Variants in IGSF21 observed in about 807,000 individuals in gnomAD.
IGSF21 encodes immunoglobin superfamily member 21, also known as immunoglobulin superfamily member 21.
A neutral mutation model predicts 46.8 loss-of-function variants in IGSF21; 28 were observed. That is an observed-to-expected ratio of 0.60 (90% CI 0.44 to 0.82). The LOEUF (loss-of-function observed/expected upper bound fraction) is 0.82. Ranked by LOEUF, IGSF21 falls within the 40% of genes least tolerant of loss-of-function variation. The pLI, the probability that IGSF21 is intolerant of heterozygous loss-of-function variation, is 0.00. For synonymous variants in IGSF21, 284 were observed against 273.6 expected (o/e 1.04, Z -0.38); for missense variants, 624 against 665.5 (o/e 0.94, Z 0.69).
At chr1:18,293,162 G>T (rs971268568) in intron 3 of IGSF21, among the ~76,000 whole-genome samples, 4 of 152,198 alleles carry the variant, frequency 2.6e-5, no homozygotes, top group Non-Finnish European at 5.9e-5. Context: ...GTGAGCTCCA[G>T]GAGGACAAGG....
chr1:18,270,385 TG>T (rs2085031017), intron 2 of IGSF21, among the ~76,000 whole-genome samples: 1 of 152,104 alleles, frequency 6.6e-6, no homozygotes, highest in Non-Finnish European at 1.5e-5. Context: ...AGGATGGGGG[TG>T]GGCCTGGATG....
chr1:18,285,311 T>C (rs148401711), intron 2 of IGSF21, among the ~76,000 whole-genome samples: 3,800 of 152,200 alleles, frequency 0.025, 62 homozygotes, highest in African/African-American at 0.049. Flanking sequence ...CTCACACTGC[T>C]GGCTGGACTA....
chr1:18,205,424 T>A (rs1375086838), intron 1 of IGSF21, among the ~76,000 whole-genome samples: 3 of 151,992 alleles, frequency 2.0e-5, no homozygotes, highest in African/African-American at 7.3e-5. Flanking sequence ...GCGAGAAAAA[T>A]CATCCTGTTT....
chr1:18,282,484 G>T (rs1026468973), intron 2 of IGSF21, among the ~76,000 whole-genome samples: 1 of 152,078 alleles, frequency 6.6e-6, no homozygotes, highest in Non-Finnish European at 1.5e-5. Flanking sequence ...AGGTCTCAGA[G>T]CTCCCATGCA....
At chr1:18,326,634 G>A (rs984525801) in intron 3 of IGSF21, among the ~76,000 whole-genome samples, 2 of 152,140 alleles carry the variant, frequency 1.3e-5, no homozygotes, top group Non-Finnish European at 2.9e-5. Context: ...TTTTAAATCG[G>A]GTAGATTATG....
At chr1:18,179,618 T>C (rs2086837189) in intron 1 of IGSF21, among the ~76,000 whole-genome samples, 1 of 152,078 alleles carries the variant, frequency 6.6e-6, no homozygotes, top group South Asian at 2.1e-4. Context: ...CTACTGGGCC[T>C]GATGGAGGCG....
intron 2 of IGSF21, among the ~76,000 whole-genome samples, chr1:18,249,080 G>C (rs568594162): frequency 6.6e-6 from 1 of 152,322 alleles, no homozygotes; most frequent in East Asian, 1.9e-4. Flanking sequence ...GCCAGACAGG[G>C]AGGAGGAAAG....
intron 2 of IGSF21, among the ~76,000 whole-genome samples, chr1:18,264,541 G>A (rs1184747467): frequency 6.6e-6 from 1 of 152,108 alleles, no homozygotes; most frequent in Non-Finnish European, 1.5e-5. Flanking sequence ...CCAGAGCAGG[G>A]ATTATTATGC....
intron 1 of IGSF21, among the ~76,000 whole-genome samples, chr1:18,182,937 G>A (rs1037826199): frequency 1.3e-5 from 2 of 152,138 alleles, no homozygotes; most frequent in African/African-American, 4.8e-5. Context: ...ACGAGGCCTG[G>A]TGACACAGCA....
At chr1:18,139,066 T>A (rs1570259333) in intron 1 of IGSF21, among the ~76,000 whole-genome samples, 1 of 152,232 alleles carries the variant, frequency 6.6e-6, no homozygotes. Context: ...GCAGGAGCGC[T>A]CTTCCCTCTT....
chr1:18,260,464 G>A (rs75916138), intron 2 of IGSF21, among the ~76,000 whole-genome samples: 22,804 of 152,230 alleles, frequency 0.15, 1,851 homozygotes, highest in Non-Finnish European at 0.18. Context: ...CGCAGCAGCC[G>A]CTGAGGGAAT....
At chr1:18,202,366 A>T (rs757017784) in intron 1 of IGSF21, among the ~76,000 whole-genome samples, 15 of 152,056 alleles carry the variant, frequency 9.9e-5, no homozygotes, top group Non-Finnish European at 2.1e-4. Context: ...TACCACCTTC[A>T]TTACTTTTGG....
At chr1:18,180,803 T>C (rs2086850125) in intron 1 of IGSF21, among the ~76,000 whole-genome samples, 1 of 152,234 alleles carries the variant, frequency 6.6e-6, no homozygotes, top group Non-Finnish European at 1.5e-5. Flanking sequence ...TTCTGCAGTA[T>C]TATCCCCACT....
chr1:18,185,059 G>T (rs1263546228), intron 1 of IGSF21, among the ~76,000 whole-genome samples: 1 of 152,220 alleles, frequency 6.6e-6, no homozygotes. Flanking sequence ...GTTGGTTGTT[G>T]TAAGTCATAA....
At chr1:18,204,758 GA>G (rs2087109172) in intron 1 of IGSF21, among the ~76,000 whole-genome samples, 1 of 152,186 alleles carries the variant, frequency 6.6e-6, no homozygotes, top group Admixed American at 6.5e-5. Flanking sequence ...AACATCCTGA[GA>G]ATGGATCACA....
rs184766364 is a variant in IGSF21 at position 18,152,943 on chromosome 1, G to A, written c.70+44745G>A. 2.7e-3 allele frequency among the ~76,000 whole-genome samples: 413 copies of A among 152,294 alleles called. 2 individuals are homozygous for A. Among genetic ancestry groups the A allele is most frequent in the Non-Finnish European group, 4.1e-3 (279 of 68,030 alleles). On this transcript the variant is annotated intron_variant, in intron 1 of 9. Coordinates refer to ENST00000251296, the MANE Select transcript of IGSF21 (RefSeq NM_032880.5). ...GGCTATCTTATAGGGTACAGGTGAG[G>A]ATAGAAGAGATAATGCAGTTAACAA...
intron 1 of IGSF21, among the ~76,000 whole-genome samples, chr1:18,118,066 A>G (rs2086202622): frequency 6.6e-6 from 1 of 151,620 alleles, no homozygotes; most frequent in Non-Finnish European, 1.5e-5. Flanking sequence ...GTAGGGAGCA[A>G]CCCCCAGCCT....
intron 1 of IGSF21, among the ~76,000 whole-genome samples, chr1:18,153,652 CA>C (rs1341156927): frequency 6.7e-6 from 1 of 149,504 alleles, no homozygotes. Context: ...CTCTACTTCG[CA>C]AATGAGGCAA....
At chr1:18,263,812 C>T (rs1210973304) in intron 2 of IGSF21, among the ~76,000 whole-genome samples, 4 of 152,146 alleles carry the variant, frequency 2.6e-5, no homozygotes, top group African/African-American at 9.7e-5. Flanking sequence ...TTTGAGAAGT[C>T]CTGTCTAAAA....
Sources: gnomAD v4.1 joint callset for allele counts (sites outside exome capture counted in the v4.1 genomes callset) on GRCh38, gnomAD v4.1.1 for gene constraint, MANE v1.5 for transcripts, NCBI Gene and HGNC (gene_info 2026-07-23, HGNC 2026-07-21) for gene names.